Variants in PDE4D observed in about 807,000 individuals in gnomAD.
PDE4D encodes 3',5'-cyclic-AMP phosphodiesterase 4D.
In PDE4D, 24 loss-of-function variants were observed where a neutral mutation model predicts 87.4. The observed-to-expected ratio is 0.27, with a 90% confidence interval of 0.20 to 0.39. PDE4D has a LOEUF of 0.39. Ranked by LOEUF, PDE4D falls within the 10% of genes least tolerant of loss-of-function variation. The probability of loss-of-function intolerance (pLI) is 1.00; values close to 1 mark genes in which losing one functional copy is unlikely to be tolerated. For synonymous variants in PDE4D, 384 were observed against 383.2 expected (o/e 1.00, Z -0.02); for missense variants, 714 against 1,041.0 (o/e 0.69, Z 4.32).
At chr5:59,340,755 A>G (rs954774682) in intron 1 of PDE4D, among the ~76,000 whole-genome samples, 1 of 151,952 alleles carries the variant, frequency 6.6e-6, no homozygotes, top group Non-Finnish European at 1.5e-5. Flanking sequence ...CTTCATTTTT[A>G]CCTCCCACAA....
chr5:60,485,210 C>A (rs1444195263), intron 1 of PDE4D, among the ~76,000 whole-genome samples: 1 of 152,134 alleles, frequency 6.6e-6, no homozygotes, highest in East Asian at 1.9e-4. Flanking sequence ...GGAAGAGGGA[C>A]ATTTGTTTCA....
At chr5:59,301,682 G>A (rs1770278414) in intron 1 of PDE4D, among the ~76,000 whole-genome samples, 1 of 151,750 alleles carries the variant, frequency 6.6e-6, no homozygotes, top group Non-Finnish European at 1.5e-5. Context: ...GAAAGTGGGG[G>A]AGAGAGAGAG....
chr5:59,479,187 T>C (rs1310284913), intron 1 of PDE4D, among the ~76,000 whole-genome samples: 1 of 152,072 alleles, frequency 6.6e-6, no homozygotes, highest in African/African-American at 2.4e-5. Flanking sequence ...ATACTGATGC[T>C]CAGGCCCCAT....
At chr5:59,297,328 T>A (rs953159861) in intron 1 of PDE4D, among the ~76,000 whole-genome samples, 1 of 152,190 alleles carries the variant, frequency 6.6e-6, no homozygotes, top group African/African-American at 2.4e-5. Context: ...TTAATCCAAC[T>A]TCACATAAAT....
At chr5:59,478,636 C>T (rs573080867) in intron 1 of PDE4D, among the ~76,000 whole-genome samples, 17 of 152,086 alleles carry the variant, frequency 1.1e-4, no homozygotes, top group African/African-American at 4.1e-4. Flanking sequence ...CAATTACATA[C>T]CACAGACACT....
At chr5:59,653,519 G>A (rs879523659) in intron 1 of PDE4D, among the ~76,000 whole-genome samples, 39 of 152,134 alleles carry the variant, frequency 2.6e-4, no homozygotes, top group Non-Finnish European at 2.8e-4. Flanking sequence ...ATGTTTATAC[G>A]TAGAAGTGGG....
At chr5:59,043,790 G>T (rs1281339650) in intron 5 of PDE4D, among the ~76,000 whole-genome samples, 1 of 151,538 alleles carries the variant, frequency 6.6e-6, no homozygotes, top group Admixed American at 6.6e-5. Flanking sequence ...CCACCTATGA[G>T]TGAGAACATG....
rs202122833 is a variant in PDE4D at position 59,031,381 on chromosome 5, A to AT, written c.921+7477dup. On this transcript the variant is annotated intron_variant, in intron 6 of 14. Transcript: ENST00000340635. ...AAATGTGATATATATATATATATAT[A>AT]TATATATATATTATATATATATATA... Among the ~76,000 whole-genome samples the AT allele has an allele frequency of 4.9e-4, 14 of 28,590 alleles. No individual in the cohort carries two copies. The Middle Eastern group carries it at 0.065, about 133-fold the overall frequency. The allele number at this position is 28,590 out of a possible 152,430, so 18.8% of individuals were successfully genotyped here. A position where few individuals can be genotyped will look rare whatever the true frequency, so the allele number is the denominator to read the frequency against.
intron 2 of PDE4D, among the ~76,000 whole-genome samples, chr5:60,063,031 G>A (rs1771597981): frequency 6.7e-6 from 1 of 149,236 alleles, no homozygotes; most frequent in South Asian, 2.1e-4. Flanking sequence ...CACATATACT[G>A]TGTAAGAAAC....
intron 1 of PDE4D, among the ~76,000 whole-genome samples, chr5:60,211,532 GTTTA>G (rs1743223756): frequency 2.0e-5 from 3 of 148,422 alleles, no homozygotes; most frequent in African/African-American, 7.4e-5. Flanking sequence ...ATATACAAAT[GTTTA>G]TTTGTATATA....
chr5:60,460,205 T>C (rs777961527), intron 1 of PDE4D: 162 of 1,480,332 alleles, frequency 1.1e-4, no homozygotes, highest in Middle Eastern at 4.8e-4. Flanking sequence ...GAACATTTCA[T>C]CAAATCCTTT....
chr5:59,853,691 CA>C (rs1745007681), intron 1 of PDE4D, among the ~76,000 whole-genome samples: 2 of 151,882 alleles, frequency 1.3e-5, no homozygotes, highest in Non-Finnish European at 2.9e-5. Context: ...AGGGCAGAAA[CA>C]GGCAAAAATT....
intron 1 of PDE4D, among the ~76,000 whole-genome samples, chr5:59,830,017 G>C (rs756148509): frequency 1.3e-4 from 20 of 152,048 alleles, no homozygotes; most frequent in Admixed American, 2.0e-4. Context: ...GTGTCACACT[G>C]TTACTGCATG....
chr5:59,605,682 G>A (rs1487401850), intron 1 of PDE4D, among the ~76,000 whole-genome samples: 4 of 152,100 alleles, frequency 2.6e-5, no homozygotes, highest in Non-Finnish European at 5.9e-5. Context: ...AACAAATGGG[G>A]AGATGGGAGA....
At chr5:59,647,316 T>C (rs944868839) in intron 1 of PDE4D, among the ~76,000 whole-genome samples, 1 of 152,116 alleles carries the variant, frequency 6.6e-6, no homozygotes, top group Non-Finnish European at 1.5e-5. Flanking sequence ...CTTCAGATAA[T>C]AAGGATAAGA....
chr5:59,527,658 T>G (rs1813404627), intron 1 of PDE4D, among the ~76,000 whole-genome samples: 1 of 152,190 alleles, frequency 6.6e-6, no homozygotes, highest in Admixed American at 6.5e-5. Flanking sequence ...CCTTCCAAAT[T>G]GTATATCACT....
chr5:60,065,916 G>A (rs1772024544), intron 2 of PDE4D, among the ~76,000 whole-genome samples: 4 of 152,050 alleles, frequency 2.6e-5, no homozygotes, highest in Admixed American at 2.6e-4. Context: ...TGTCTTTATA[G>A]CAGCATGATT....
In PDE4D at chr5:60,421,955, T is replaced by C. The variant is rs148933866; in HGVS notation, c.-90+65987A>G. On this transcript the variant is annotated intron_variant, in intron 1 of 16. Transcript: ENST00000502484. ...AAGAAAGGATATCACTGACTGAAGA[T>C]CAAATGAATGAAATAAAGCAAGAAG... Among the ~76,000 whole-genome samples, 123 of 151,998 alleles carry C rather than the reference T, an allele frequency of 8.1e-4. 2 individuals carry two copies. The East Asian group carries it at 0.021, about 26-fold the overall frequency.
chr5:59,401,257 C>A (rs1790563711), intron 1 of PDE4D, among the ~76,000 whole-genome samples: 1 of 152,076 alleles, frequency 6.6e-6, no homozygotes, highest in Admixed American at 6.5e-5. Flanking sequence ...CCAGCCTGGG[C>A]AACATAGAGA....
Sources: allele counts gnomAD v4.1 joint callset (sites outside exome capture counted in the v4.1 genomes callset), GRCh38; gene constraint gnomAD v4.1.1; transcripts MANE v1.5; gene names NCBI Gene and HGNC (gene_info 2026-07-23, HGNC 2026-07-21).